Variants in PCGF5 observed in about 807,000 individuals in gnomAD.
PCGF5 encodes the protein polycomb group RING finger protein 5.
A neutral mutation model predicts 44.3 loss-of-function variants in PCGF5; 9 were observed. The ratio of observed to expected loss-of-function variants is 0.20; its 90% CI spans 0.12 to 0.35. The LOEUF (loss-of-function observed/expected upper bound fraction) is 0.35. Ranked by LOEUF, PCGF5 falls within the 10% of genes least tolerant of loss-of-function variation. The pLI, the probability that PCGF5 is intolerant of heterozygous loss-of-function variation, is 1.00. For missense variants in PCGF5, 146 were observed against 305.3 expected (o/e 0.48, Z 3.89); for synonymous variants, 95 against 102.5 (o/e 0.93, Z 0.44).
chr10:91,190,405 G>C (rs1844010116), intron 1 of PCGF5, among the ~76,000 whole-genome samples: 1 of 152,172 alleles, frequency 6.6e-6, no homozygotes, highest in South Asian at 2.1e-4. Context: ...TTCTGGTTGT[G>C]ATGTGTCGCT....
chr10:91,169,521 C>G (rs1224613586), intron 1 of PCGF5, among the ~76,000 whole-genome samples: 4 of 152,188 alleles, frequency 2.6e-5, no homozygotes. Flanking sequence ...TAAAAACAAT[C>G]TCATTTACAT....
At chr10:91,248,868 T>C in intron 5 of PCGF5, 144 bp downstream of exon 5, 1 of 698,790 alleles carries the variant, frequency 1.4e-6, no homozygotes, top group Non-Finnish European at 2.4e-6. Flanking sequence ...ACGAACCTTT[T>C]TCTCTATATG....
chr10:91,268,193 C>T (rs1422896188), intron 8 of PCGF5, among the ~76,000 whole-genome samples: 1 of 152,044 alleles, frequency 6.6e-6, no homozygotes, highest in Non-Finnish European at 1.5e-5. Context: ...ACATCATCTA[C>T]CTTTTATAAA....
rs78856060 is a variant in PCGF5 at position 91,197,978 on chromosome 10, T to C, written c.-183-24711T>C. 1.8e-3 allele frequency among the ~76,000 whole-genome samples: 275 copies of C among 152,270 alleles called. 3 individuals are homozygous for C. The highest frequency in any genetic ancestry group is 0.016 in the Admixed American group (250 of 15,300). On this transcript the variant is annotated intron_variant, in intron 1 of 9. Transcript: ENST00000614189. Reference sequence around the variant, plus strand: ...TTGATTATCTACTAAGTGCCAGACATTGGGGAAGTGAATCCACATCAGTGA... The same window carrying C: ...TTGATTATCTACTAAGTGCCAGACACTGGGGAAGTGAATCCACATCAGTGA...
At chr10:91,182,670 A>G (rs1275692168) in intron 1 of PCGF5, among the ~76,000 whole-genome samples, 2 of 152,052 alleles carry the variant, frequency 1.3e-5, no homozygotes, top group East Asian at 1.9e-4. Context: ...ACTTTTTGAT[A>G]TGGGCATTTA....
intron 1 of PCGF5, among the ~76,000 whole-genome samples, chr10:91,194,871 TTGA>T (rs2133220311): frequency 6.6e-6 from 1 of 152,264 alleles, no homozygotes; most frequent in South Asian, 2.1e-4. Context: ...AGACCAAAAG[TTGA>T]TGATATAAGG....
upstream of PCGF5, among the ~76,000 whole-genome samples, chr10:91,216,116 A>G (rs935227767): frequency 1.3e-5 from 2 of 152,226 alleles, no homozygotes; most frequent in African/African-American, 4.8e-5. Flanking sequence ...CTGGGCTTAC[A>G]CTCTAGTGGG....
intron 1 of PCGF5, among the ~76,000 whole-genome samples, chr10:91,199,994 A>G (rs1469922880): frequency 6.6e-6 from 1 of 152,208 alleles, no homozygotes; most frequent in East Asian, 1.9e-4. Flanking sequence ...CAATCCGTTT[A>G]AGGAACTCTA....
intron 9 of PCGF5, among the ~76,000 whole-genome samples, chr10:91,272,334 A>T (rs924458477): frequency 6.6e-6 from 1 of 152,214 alleles, no homozygotes; most frequent in Non-Finnish European, 1.5e-5. Flanking sequence ...TGAATTAATC[A>T]TACCATTTCT....
chr10:91,242,322 C>CT (rs1564646447), intron 3 of PCGF5, among the ~76,000 whole-genome samples: 1 of 151,550 alleles, frequency 6.6e-6, no homozygotes, highest in Non-Finnish European at 1.5e-5. Context: ...TCAAGTAATT[C>CT]TTTTCTTAAT....
At chr10:91,241,818 T>C (rs568451778) in intron 3 of PCGF5, among the ~76,000 whole-genome samples, 1 of 152,312 alleles carries the variant, frequency 6.6e-6, no homozygotes, top group Non-Finnish European at 1.5e-5. Flanking sequence ...TTTTCAAGTT[T>C]AATGCCTGTT....
At chr10:91,188,468 C>G (rs1843967953) in intron 1 of PCGF5, among the ~76,000 whole-genome samples, 1 of 152,160 alleles carries the variant, frequency 6.6e-6, no homozygotes, top group South Asian at 2.1e-4. Context: ...ATGCTAATTG[C>G]AATTTCTTAG....
At chr10:91,197,595 A>G (rs1019669264) in intron 1 of PCGF5, among the ~76,000 whole-genome samples, 1 of 152,148 alleles carries the variant, frequency 6.6e-6, no homozygotes, top group Non-Finnish European at 1.5e-5. Flanking sequence ...TGAGCTCACA[A>G]AGAACTTTTG....
chr10:91,173,015 A>G (rs1843637670), intron 1 of PCGF5, among the ~76,000 whole-genome samples: 1 of 152,212 alleles, frequency 6.6e-6, no homozygotes, highest in African/African-American at 2.4e-5. Flanking sequence ...TTGTGATCTT[A>G]CTAATCAATA....
At chr10:91,271,787 C>A in intron 9 of PCGF5, 90 bp downstream of exon 9, 1 of 1,085,494 alleles carries the variant, frequency 9.2e-7, no homozygotes, top group Admixed American at 1.8e-5. Context: ...AGACATTTAA[C>A]TTTGTAAAAC....
intron 1 of PCGF5, among the ~76,000 whole-genome samples, chr10:91,210,662 G>T (rs527716250): frequency 1.3e-5 from 2 of 152,238 alleles, no homozygotes; most frequent in Non-Finnish European, 2.9e-5. Context: ...CAGAAAGGCT[G>T]TTTCAGTGCC....
intron 6 of PCGF5, among the ~76,000 whole-genome samples, chr10:91,256,150 T>G (rs1001775511): frequency 6.6e-6 from 1 of 152,080 alleles, no homozygotes; most frequent in African/African-American, 2.4e-5. Flanking sequence ...TTGTACTTAT[T>G]AGGCATAGAT....
chr10:91,240,417 C>A, intron 2 of PCGF5, 67 bp from the exon 3 acceptor site: 1 of 1,010,606 alleles, frequency 9.9e-7, no homozygotes, highest in Non-Finnish European at 1.5e-6. Flanking sequence ...TTTCTAATTA[C>A]ACTTAGTTTA....
At chr10:91,256,859 A>G (rs1286257895) in intron 6 of PCGF5, among the ~76,000 whole-genome samples, 1 of 152,066 alleles carries the variant, frequency 6.6e-6, no homozygotes, top group African/African-American at 2.4e-5. Flanking sequence ...GCCTTCCAAA[A>G]GGAAGGAGAA....
Sources: allele counts gnomAD v4.1 joint callset (sites outside exome capture counted in the v4.1 genomes callset), GRCh38; gene constraint gnomAD v4.1.1; transcripts MANE v1.5; gene names NCBI Gene and HGNC (gene_info 2026-07-23, HGNC 2026-07-21).